The following SLC8A1 variants were observed in gnomAD, a reference collection of about 807,000 sequenced individuals.
SLC8A1 encodes the protein solute carrier family 8 member A1.
In SLC8A1, 18 loss-of-function variants were observed where a neutral mutation model predicts 68.3. The observed-to-expected ratio is 0.26, with a 90% CI of 0.18 to 0.39. SLC8A1 has a LOEUF of 0.39. SLC8A1 is among the 10% of genes least tolerant of loss of function. The pLI, the probability that SLC8A1 is intolerant of heterozygous loss-of-function variation, is 1.00. For missense variants in SLC8A1, 985 were observed against 1,156.7 expected, an observed-to-expected ratio of 0.85 and a Z score of 2.15; for synonymous variants, 475 against 415.5, an observed-to-expected ratio of 1.14 and a Z score of -1.74.
At chr2:40,472,256 C>G (rs1023395501) in intron 1 of SLC8A1, among the ~76,000 whole-genome samples, 1 of 152,130 alleles carries the variant, frequency 6.6e-6, no homozygotes, top group Non-Finnish European at 1.5e-5. Flanking sequence ...ACTTCTATGT[C>G]TCAAATTATT....
chr2:40,511,026 A>C (rs1706691938), intron 1 of SLC8A1, among the ~76,000 whole-genome samples: 1 of 152,194 alleles, frequency 6.6e-6, no homozygotes, highest in Admixed American at 6.5e-5. Context: ...ATTTATCCAG[A>C]GAACATCTCC....
intron 1 of SLC8A1, among the ~76,000 whole-genome samples, chr2:40,459,767 T>A (rs1290701043): frequency 6.6e-6 from 1 of 152,168 alleles, no homozygotes; most frequent in African/African-American, 2.4e-5. Context: ...ATCATGCATG[T>A]GTAACTTAAT....
intron 2 of SLC8A1, among the ~76,000 whole-genome samples, chr2:40,384,447 T>C (rs1029812734): frequency 6.6e-6 from 1 of 152,070 alleles, no homozygotes; most frequent in African/African-American, 2.4e-5. Flanking sequence ...ATCATGGGTA[T>C]AGAAGGCAAC....
chr2:40,271,823 G>A (rs1450402288), intron 2 of SLC8A1, among the ~76,000 whole-genome samples: 2 of 151,958 alleles, frequency 1.3e-5, no homozygotes, highest in Non-Finnish European at 2.9e-5. Flanking sequence ...TTTCTTTCCG[G>A]AGTCAACTTT....
intron 2 of SLC8A1, among the ~76,000 whole-genome samples, chr2:40,266,522 T>C (rs1166398367): frequency 6.6e-6 from 1 of 152,184 alleles, no homozygotes; most frequent in Non-Finnish European, 1.5e-5. Context: ...CCATTGCTTC[T>C]GGACACTAGA....
intron 2 of SLC8A1, among the ~76,000 whole-genome samples, chr2:40,381,563 C>A (rs1384640093): frequency 6.6e-6 from 1 of 151,966 alleles, no homozygotes; most frequent in South Asian, 2.1e-4. Flanking sequence ...CCCCATTCTT[C>A]CCATCTCCAT....
At chr2:40,489,384 C>T (rs1705175640) in intron 1 of SLC8A1, among the ~76,000 whole-genome samples, 1 of 151,928 alleles carries the variant, frequency 6.6e-6, no homozygotes, top group Non-Finnish European at 1.5e-5. Flanking sequence ...AGACGAGGTA[C>T]AATATCAAAA....
Position 40,282,330 on chromosome 2 carries a change from G to C in SLC8A1, c.1809-104475C>G, listed in dbSNP as rs1321297818. 5.3e-5 allele frequency among the ~76,000 whole-genome samples: 8 copies of C among 152,080 alleles called. No individual in the cohort carries two copies. The East Asian group carries it at 1.5e-3, about 29-fold the overall frequency. ...CCCCAGACACAAAACACAATAAAAA[G>C]AATGGTTGTTACAGTTACTAAACGA... is the stretch of plus-strand genomic sequence containing the variant. On this transcript the variant is annotated intron_variant, in intron 2 of 7. Coordinates refer to ENST00000406785, the Ensembl canonical transcript of SLC8A1.
At chr2:40,188,006 A>T (rs913138824) in intron 2 of SLC8A1, among the ~76,000 whole-genome samples, 1 of 152,204 alleles carries the variant, frequency 6.6e-6, no homozygotes, top group Non-Finnish European at 1.5e-5. Context: ...TCTGTTACCT[A>T]CACATGCCTG....
intron 2 of SLC8A1, among the ~76,000 whole-genome samples, chr2:40,357,516 A>C (rs1006959790): frequency 4.0e-5 from 6 of 151,516 alleles, no homozygotes; most frequent in South Asian, 4.2e-4. Flanking sequence ...AAAAAAAAAA[A>C]ACACAAGATG....
intron 1 of SLC8A1, among the ~76,000 whole-genome samples, chr2:40,433,133 G>A (rs1430628110): frequency 6.6e-6 from 1 of 152,056 alleles, no homozygotes; most frequent in Non-Finnish European, 1.5e-5. Context: ...CAGCCAAAAT[G>A]AAATTCCTAA....
At chr2:40,167,862 C>T (rs2046808020) in intron 4 of SLC8A1, among the ~76,000 whole-genome samples, 1 of 152,106 alleles carries the variant, frequency 6.6e-6, no homozygotes, top group Non-Finnish European at 1.5e-5. Context: ...TTTTAATTAT[C>T]TTTACATATA....
chr2:40,395,475 C>T (rs904228807), intron 2 of SLC8A1, among the ~76,000 whole-genome samples: 1 of 152,120 alleles, frequency 6.6e-6, no homozygotes, highest in Non-Finnish European at 1.5e-5. Context: ...CCTAATTTCT[C>T]AAGTCAAATC....
At chr2:40,160,510 C>G (rs1192029358) in intron 6 of SLC8A1, among the ~76,000 whole-genome samples, 1 of 152,088 alleles carries the variant, frequency 6.6e-6, no homozygotes, top group African/African-American at 2.4e-5. Context: ...ACACAAAACG[C>G]TTTAAATTTA....
intron 6 of SLC8A1, among the ~76,000 whole-genome samples, chr2:40,157,578 A>G (rs577595743): frequency 2.0e-5 from 3 of 152,180 alleles, no homozygotes; most frequent in South Asian, 4.2e-4. Flanking sequence ...TTCCCTTGAT[A>G]CCTCAGCTGG....
intron 2 of SLC8A1, among the ~76,000 whole-genome samples, chr2:40,408,160 CA>C (rs1690976206): frequency 6.6e-6 from 1 of 152,226 alleles, no homozygotes; most frequent in Non-Finnish European, 1.5e-5. Context: ...CCCTATCACA[CA>C]ACTCCTAATG....
At chr2:40,239,750 T>C (rs1458460495) in intron 2 of SLC8A1, among the ~76,000 whole-genome samples, 1 of 152,232 alleles carries the variant, frequency 6.6e-6, no homozygotes, top group Non-Finnish European at 1.5e-5. Context: ...ATTCTGAATG[T>C]GAATACCTGA....
chr2:40,362,254 C>T (rs1375818928), intron 2 of SLC8A1, among the ~76,000 whole-genome samples: 2 of 150,890 alleles, frequency 1.3e-5, no homozygotes, highest in African/African-American at 4.9e-5. Context: ...GCCATTCTGT[C>T]TAATAGGTAC....
intron 2 of SLC8A1, among the ~76,000 whole-genome samples, chr2:40,342,830 A>G (rs1465575982): frequency 6.6e-6 from 1 of 152,154 alleles, no homozygotes; most frequent in East Asian, 1.9e-4. Context: ...CTCACTGCAA[A>G]TATGAACAAA....
Sources: allele counts gnomAD v4.1 joint callset (sites outside exome capture counted in the v4.1 genomes callset), GRCh38; gene constraint gnomAD v4.1.1; transcripts MANE v1.5; gene names NCBI Gene and HGNC (gene_info 2026-07-23, HGNC 2026-07-21).